LZTFL1: variants seen among roughly 807,000 people sequenced by gnomAD.
The protein encoded by LZTFL1 is leucine zipper transcription factor like 1, also known as leucine zipper transcription factor-like protein 1.
LZTFL1 carries 25 observed loss-of-function variants against 45.9 expected under a neutral mutation model. The ratio of observed to expected loss-of-function variants is 0.54; its 90% CI spans 0.40 to 0.76. LZTFL1 has a LOEUF of 0.76. Among genes scored for constraint, LZTFL1 ranks in the 30% least tolerant of loss-of-function variants. The pLI, the probability that LZTFL1 is intolerant of heterozygous loss-of-function variation, is 0.00. For synonymous variants in LZTFL1, 93 were observed against 117.4 expected (o/e 0.79, Z 1.35); for missense variants, 277 against 331.1 (o/e 0.84, Z 1.27).
At chr3:45,888,975 T>A (rs1420301865) in intron 2 of LZTFL1, among the ~76,000 whole-genome samples, 2 of 152,220 alleles carry the variant, frequency 1.3e-5, no homozygotes, top group Non-Finnish European at 2.9e-5. Flanking sequence ...ATATATTACA[T>A]GATATATACT....
At chr3:45,896,923 G>A (rs995883236) in intron 2 of LZTFL1, among the ~76,000 whole-genome samples, 1 of 152,338 alleles carries the variant, frequency 6.6e-6, no homozygotes, top group East Asian at 1.9e-4. Flanking sequence ...GTTTGGCTGA[G>A]GATTTCCAGA....
chr3:45,830,102 C>T (rs1470435670), intron 7 of LZTFL1, among the ~76,000 whole-genome samples: 1 of 152,174 alleles, frequency 6.6e-6, no homozygotes, highest in Non-Finnish European at 1.5e-5. Flanking sequence ...ATACTATTCT[C>T]TCTACTTTTG....
chr3:45,909,291 G>C (rs1380829560), intron 2 of LZTFL1, among the ~76,000 whole-genome samples: 1 of 152,142 alleles, frequency 6.6e-6, no homozygotes, highest in Non-Finnish European at 1.5e-5. Context: ...CAATGCTGCA[G>C]GTCCATGGAA....
In LZTFL1 at chr3:45,855,342, G is replaced by A. The variant is rs1701374191; in HGVS notation, c.-137-268C>T. ...GATTATCTCAATAGAGGCGGAAAAG[G>A]CCTTCAATAAAATTCAACATCTCTT... is the stretch of plus-strand genomic sequence containing the variant. On this transcript the variant is annotated intron_variant, in intron 3 of 4. Transcript: ENST00000472635. Among the ~76,000 whole-genome samples, 5 of 152,106 alleles carry A rather than the reference G, an allele frequency of 3.3e-5. No individual in the cohort carries two copies. The South Asian group carries it at 1.0e-3, about 32-fold the overall frequency.
intron 3 of LZTFL1, among the ~76,000 whole-genome samples, chr3:45,857,212 C>G (rs1161545089): frequency 6.6e-6 from 1 of 152,164 alleles, no homozygotes; most frequent in Non-Finnish European, 1.5e-5. Context: ...AAGTTAATGT[C>G]CTTTGCAGGG....
At chr3:45,908,486 A>T (rs1702724057) in intron 2 of LZTFL1, among the ~76,000 whole-genome samples, 1 of 152,230 alleles carries the variant, frequency 6.6e-6, no homozygotes, top group South Asian at 2.1e-4. Flanking sequence ...CACAGGAACA[A>T]GCTGATGGTT....
Position 45,835,711 on chromosome 3 carries a change from C to T in LZTFL1, c.202G>A (p.Glu68Lys). The change falls in exon 3 of 10, where the codon GAG becomes AAG. Residue 68 changes from glutamate to lysine, a missense_variant. Transcript: ENST00000296135. ...GTGTTGATGAGCTCAGATTCCACCT[C>T]ACTATGAACCACAGCTTGTAATCCA... The part of the protein sequence containing the change: ...LNGLQAVVHS[E>K]VESELINTAY... 1 of 1,614,144 alleles carries T rather than the reference C, an allele frequency of 6.2e-7. No individual in the cohort carries two copies. The highest frequency in any genetic ancestry group is 8.5e-7 in the Non-Finnish European group (1 of 1,179,986).
Position 45,836,634 on chromosome 3 carries a change from G to A in LZTFL1, c.129-850C>T, listed in dbSNP as rs554169732. ...CATGCCACCGCACTCCAGCCTGGGCGACAAAGTGAGACTCCGTCTCAAAAA... is the reference window on the plus strand; with the variant it reads ...CATGCCACCGCACTCCAGCCTGGGCAACAAAGTGAGACTCCGTCTCAAAAA... On this transcript the variant is annotated intron_variant, in intron 2 of 9. Coordinates refer to ENST00000296135, the MANE Select transcript of LZTFL1 (RefSeq NM_020347.4). 2.0e-5 allele frequency among the ~76,000 whole-genome samples: 3 copies of A among 152,232 alleles called. No individual in the cohort carries two copies. In the East Asian group the frequency reaches 5.8e-4, roughly 29 times the overall value.
intron 2 of LZTFL1, among the ~76,000 whole-genome samples, chr3:45,892,093 C>G (rs2125745134): frequency 6.6e-6 from 1 of 152,266 alleles, no homozygotes; most frequent in South Asian, 2.1e-4. Context: ...ATTCCAAGAT[C>G]AGGGCACTAG....
intron 2 of LZTFL1, among the ~76,000 whole-genome samples, chr3:45,885,282 T>C (rs919034389): frequency 1.3e-5 from 2 of 152,136 alleles, no homozygotes; most frequent in African/African-American, 4.8e-5. Flanking sequence ...AACAAATATA[T>C]AAAAGGGATC....
At position 45,900,249 on chromosome 3, in the gene LZTFL1, G is replaced by T. The variant is rs1702506478; in HGVS notation, c.-215+12871C>A. On this transcript the variant is annotated intron_variant, in intron 2 of 4. Transcript: ENST00000472635. This position sits in a 1 kb window ranked among gnomAD's most constrained non-coding sequence, Gnocchi z 4.7. ...TGCTTGTGTGTGTATGTAGGGTTGA[G>T]AGTGTCTGTGTGTGTATGTGTATGT... Among the ~76,000 whole-genome samples, 1 of 152,140 alleles carries T rather than the reference G, an allele frequency of 6.6e-6. No homozygotes were observed. Among genetic ancestry groups the T allele is most frequent in the Admixed American group, 6.5e-5 (1 of 15,276 alleles).
At chr3:45,860,051 T>C (rs1281027635) in intron 2 of LZTFL1, among the ~76,000 whole-genome samples, 1 of 152,042 alleles carries the variant, frequency 6.6e-6, no homozygotes, top group East Asian at 1.9e-4. Flanking sequence ...CCACTGTAAC[T>C]TTAAGGGAGA....
intron 2 of LZTFL1, among the ~76,000 whole-genome samples, chr3:45,873,678 C>A (rs1162032641): frequency 6.6e-6 from 1 of 152,082 alleles, no homozygotes; most frequent in African/African-American, 2.4e-5. Context: ...AACAGCTCAT[C>A]TATAAAGTCC....
At chr3:45,834,155 T>G in intron 4 of LZTFL1, 83 bp downstream of exon 4, 1 of 759,992 alleles carries the variant, frequency 1.3e-6, no homozygotes, top group Non-Finnish European at 2.2e-6. Context: ...AGTTCTCAGT[T>G]TTGATCTCTG....
chr3:45,862,884 A>G (rs1701513790), intron 2 of LZTFL1, among the ~76,000 whole-genome samples: 1 of 152,234 alleles, frequency 6.6e-6, no homozygotes, highest in Admixed American at 6.5e-5. Flanking sequence ...TAATAATGAC[A>G]GTAATTTATT....
intron 2 of LZTFL1, among the ~76,000 whole-genome samples, chr3:45,907,632 G>A (rs903957482): frequency 2.3e-4 from 35 of 152,214 alleles, no homozygotes; most frequent in African/African-American, 7.0e-4. Context: ...GGCTCGCTGC[G>A]TGGGCATGGC....
intron 2 of LZTFL1, among the ~76,000 whole-genome samples, chr3:45,908,999 G>A (rs1032451775): frequency 8.5e-5 from 13 of 152,114 alleles, no homozygotes; most frequent in Non-Finnish European, 1.9e-4. Context: ...TGTCATATCA[G>A]TGGCGGCATT....
chr3:45,885,169 G>A (rs1396104059), intron 2 of LZTFL1, among the ~76,000 whole-genome samples: 1 of 152,172 alleles, frequency 6.6e-6, no homozygotes, highest in Non-Finnish European at 1.5e-5. Flanking sequence ...ATGCGCCTGG[G>A]AGTACCACGC....
intron 2 of LZTFL1, among the ~76,000 whole-genome samples, chr3:45,876,280 C>A (rs1228292342): frequency 6.6e-6 from 1 of 152,098 alleles, no homozygotes; most frequent in Non-Finnish European, 1.5e-5. Flanking sequence ...TGAGACACAC[C>A]TTTCATTTGG....
Sources: allele counts gnomAD v4.1 joint callset (sites outside exome capture counted in the v4.1 genomes callset), GRCh38; gene constraint gnomAD v4.1.1; non-coding constraint Gnocchi (gnomAD v3.1); transcripts MANE v1.5; gene names NCBI Gene and HGNC (gene_info 2026-07-23, HGNC 2026-07-21).